RHCE: variants seen among roughly 807,000 people sequenced by gnomAD.
RHCE encodes the protein blood group Rh(CE) polypeptide.
A neutral mutation model predicts 43.8 loss-of-function variants in RHCE; 22 were observed. That is an observed-to-expected ratio of 0.50 (90% CI 0.36 to 0.72). RHCE has a LOEUF of 0.72. RHCE is among the 30% of genes least tolerant of loss of function. The pLI is 0.00. For synonymous variants in RHCE, 156 were observed against 210.7 expected (o/e 0.74, Z 2.25); for missense variants, 385 against 525.4 (o/e 0.73, Z 2.61).
chr1:25,387,389 C>T (rs1024955908), intron 6 of RHCE, among the ~76,000 whole-genome samples: 6 of 152,176 alleles, frequency 3.9e-5, no homozygotes, highest in East Asian at 1.9e-4. Flanking sequence ...GTATCCATTT[C>T]GCTCACTAAA....
upstream of RHCE, among the ~76,000 whole-genome samples, chr1:25,424,216 G>C (rs74060780): frequency 0.073 from 11,055 of 152,214 alleles, 1,287 homozygotes; most frequent in African/African-American, 0.25. Context: ...CGTAGGTTAG[G>C]TGTATTAAAT....
chr1:25,426,899 A>C (rs9438912), intron 2 of RHCE, among the ~76,000 whole-genome samples: 8,560 of 152,162 alleles, frequency 0.056, 757 homozygotes, highest in African/African-American at 0.19. Flanking sequence ...TCTACTAAAA[A>C]CACAAAAATT....
In RHCE at chr1:25,412,618, G is replaced by A. The variant is rs2982333; in HGVS notation, c.149-3749C>T. Among the ~76,000 whole-genome samples the A allele has an allele frequency of 4.0e-5, 6 of 150,730 alleles. No homozygotes were observed. The South Asian group carries it at 1.1e-3, about 26-fold the overall frequency. On this transcript the variant is annotated intron_variant, in intron 1 of 9. Coordinates refer to ENST00000294413, the MANE Select transcript of RHCE (RefSeq NM_020485.8). Reference sequence around the variant, plus strand: ...TCCCAGCTACTCAGGAGGGTGAGGTGGGAGGATGGCTTGTGCCTAGAAGGT... The same window carrying A: ...TCCCAGCTACTCAGGAGGGTGAGGTAGGAGGATGGCTTGTGCCTAGAAGGT...
chr1:25,377,153 G>C (rs113091970), intron 7 of RHCE, among the ~76,000 whole-genome samples: 10,470 of 151,978 alleles, frequency 0.069, 1,137 homozygotes, highest in African/African-American at 0.23. Flanking sequence ...AATGTTTGTT[G>C]AATGACTGAA....
At chr1:25,426,005 A>G (rs906552366) in intron 2 of RHCE, among the ~76,000 whole-genome samples, 2 of 152,238 alleles carry the variant, frequency 1.3e-5, no homozygotes, top group Non-Finnish European at 2.9e-5. Context: ...GACCTTGGGT[A>G]AAACAGTCAG....
intron 8 of RHCE, among the ~76,000 whole-genome samples, chr1:25,370,809 C>T (rs1645585237): frequency 6.6e-6 from 1 of 150,662 alleles, no homozygotes; most frequent in South Asian, 2.1e-4. Context: ...AGTACCGTGG[C>T]ATGATCTCGG....
At chr1:25,369,372 G>A (rs1645534250) in intron 9 of RHCE, among the ~76,000 whole-genome samples, 1 of 151,666 alleles carries the variant, frequency 6.6e-6, no homozygotes, top group South Asian at 2.1e-4. Context: ...TGTTGGCCTG[G>A]ACTTGCTGTG....
At chr1:25,425,978 T>C (rs1456797473) in intron 2 of RHCE, among the ~76,000 whole-genome samples, 2 of 152,226 alleles carry the variant, frequency 1.3e-5, no homozygotes, top group African/African-American at 4.8e-5. Flanking sequence ...AAATTCTGGC[T>C]TTGGAATGAG....
At chr1:25,377,213 G>A (rs1053507138) in intron 7 of RHCE, among the ~76,000 whole-genome samples, 5 of 151,820 alleles carry the variant, frequency 3.3e-5, no homozygotes, top group African/African-American at 1.2e-4. Context: ...GTGATTTTTA[G>A]AAAAAAATTC....
At chr1:25,403,946 T>A (rs1646834176) in intron 2 of RHCE, among the ~76,000 whole-genome samples, 1 of 151,516 alleles carries the variant, frequency 6.6e-6, no homozygotes, top group African/African-American at 2.4e-5. Context: ...GGCAGGTGGA[T>A]CACTTGAGGC....
intron 1 of RHCE, among the ~76,000 whole-genome samples, chr1:25,416,943 G>C (rs941861959): frequency 1.4e-5 from 2 of 147,296 alleles, no homozygotes; most frequent in Middle Eastern, 3.2e-3. Flanking sequence ...AACTATTACA[G>C]AACTTTCAAA....
At chr1:25,382,870 A>AT (rs969908346) in intron 7 of RHCE, among the ~76,000 whole-genome samples, 3 of 152,208 alleles carry the variant, frequency 2.0e-5, no homozygotes, top group Non-Finnish European at 4.4e-5. Flanking sequence ...GCTATTAAAA[A>AT]TTTTTTTTCT....
intron 1 of RHCE, among the ~76,000 whole-genome samples, chr1:25,413,426 C>T (rs1407671438): frequency 2.0e-5 from 3 of 152,150 alleles, no homozygotes; most frequent in Non-Finnish European, 2.9e-5. Flanking sequence ...GTCTGCTCTG[C>T]ACTCACATCA....
At chr1:25,367,906 T>G (rs1645474764) in intron 9 of RHCE, among the ~76,000 whole-genome samples, 1 of 149,220 alleles carries the variant, frequency 6.7e-6, no homozygotes, top group Admixed American at 6.6e-5. Context: ...CCTGGGGAGG[T>G]TGAGGCTACA....
chr1:25,416,462 A>C (rs1391455407), intron 1 of RHCE, among the ~76,000 whole-genome samples: 1 of 151,962 alleles, frequency 6.6e-6, no homozygotes, highest in Non-Finnish European at 1.5e-5. Context: ...ATGGGGTTTC[A>C]TCATGTTAGC....
chr1:25,395,271 T>G (rs1479533775), intron 3 of RHCE, among the ~76,000 whole-genome samples: 1 of 146,864 alleles, frequency 6.8e-6, no homozygotes, highest in Non-Finnish European at 1.5e-5. Context: ...TGAGACTAAC[T>G]GAGAGAAAAG....
rs553383046 is a variant in RHCE at position 25,401,969 on chromosome 1, C to T, written c.486+627G>A. 3.1e-4 allele frequency among the ~76,000 whole-genome samples: 47 copies of T among 152,220 alleles called. 1 individual carries two copies. The highest frequency in any genetic ancestry group is 1.4e-3 in the South Asian group (7 of 4,828). On this transcript the variant is annotated intron_variant, in intron 3 of 9. Transcript: ENST00000294413. ...TCAGTTCACTGCAACCTCCACCCTC[C>T]GGGTTCAAGCGATTCTCTTGCCTCA...
intron 4 of RHCE, 90 bp from the exon 5 acceptor site, chr1:25,391,005 G>A (rs1571870358): frequency 2.5e-6 from 4 of 1,572,252 alleles, no homozygotes; most frequent in East Asian, 2.2e-5. Context: ...TCCTAGGGCT[G>A]GAGAGTCTCA....
chr1:25,392,783 C>T (rs561089769), intron 3 of RHCE, among the ~76,000 whole-genome samples: 81 of 151,768 alleles, frequency 5.3e-4, no homozygotes, highest in Non-Finnish European at 9.3e-4. Flanking sequence ...GTTGCTCAGG[C>T]TGGTCTCGAA....
Sources: gnomAD v4.1 joint callset for allele counts (sites outside exome capture counted in the v4.1 genomes callset) on GRCh38, gnomAD v4.1.1 for gene constraint, MANE v1.5 for transcripts, NCBI Gene and HGNC (gene_info 2026-07-23, HGNC 2026-07-21) for gene names.